The following DYSF variants were observed in gnomAD, a reference collection of about 807,000 sequenced individuals.
DYSF encodes the protein dystrophy-associated fer-1-like 1.
Under a neutral mutation model 274.9 loss-of-function variants are expected in DYSF, and 212 were observed. That is an observed-to-expected ratio of 0.77 (90% CI 0.69 to 0.86). The LOEUF is 0.86. Ranked by LOEUF, DYSF falls within the 40% of genes least tolerant of loss-of-function variation. The probability of loss-of-function intolerance (pLI) is 0.00; values close to 1 mark genes in which losing one functional copy is unlikely to be tolerated. For missense variants in DYSF, 2,666 were observed against 2,783.2 expected (o/e 0.96, Z 0.95); for synonymous variants, 1,091 against 1,078.7 (o/e 1.01, Z -0.22).
At chr2:71,670,607 C>A (rs1293375066) in intron 51 of DYSF, among the ~76,000 whole-genome samples, 2 of 152,212 alleles carry the variant, frequency 1.3e-5, no homozygotes, top group Admixed American at 1.3e-4. Context: ...TTGCATCAGC[C>A]AGAGGGGAGG....
intron 10 of DYSF, among the ~76,000 whole-genome samples, chr2:71,519,499 C>A (rs975147511): frequency 6.6e-6 from 1 of 152,178 alleles, no homozygotes; most frequent in Non-Finnish European, 1.5e-5. Flanking sequence ...CCTGCTGCCC[C>A]CTGCAGCCTT....
chr2:71,514,646 A>T (rs1281923082), intron 7 of DYSF, among the ~76,000 whole-genome samples: 2 of 152,086 alleles, frequency 1.3e-5, no homozygotes, highest in African/African-American at 4.8e-5. Flanking sequence ...AACTCTTTAC[A>T]ACTACTTTTA....
chr2:71,610,279 T>G (rs2093726260), intron 36 of DYSF, among the ~76,000 whole-genome samples: 2 of 152,258 alleles, frequency 1.3e-5, no homozygotes, highest in South Asian at 4.1e-4. Context: ...CATGAAGCTC[T>G]AAAGGTTATA....
chr2:71,660,719 A>G, intron 45 of DYSF, 68 bp downstream of exon 45: 1 of 1,354,424 alleles, frequency 7.4e-7, no homozygotes, highest in Non-Finnish European at 1.1e-6. Context: ...CTAGTGGGGG[A>G]GATGTGACTG....
At chr2:71,550,784 C>T (rs752335315) in intron 17 of DYSF, among the ~76,000 whole-genome samples, 3 of 152,182 alleles carry the variant, frequency 2.0e-5, no homozygotes, top group African/African-American at 4.8e-5. Flanking sequence ...CTCCAAGCCT[C>T]GGTTTCCTCA....
intron 3 of DYSF, among the ~76,000 whole-genome samples, chr2:71,483,038 C>T (rs919005076): frequency 1.3e-5 from 2 of 151,982 alleles, no homozygotes; most frequent in Non-Finnish European, 2.9e-5. Flanking sequence ...TCAGGGTCTC[C>T]GGCTGCAAAA....
intron 30 of DYSF, among the ~76,000 whole-genome samples, chr2:71,580,565 G>A (rs546873330): frequency 6.6e-6 from 1 of 152,368 alleles, no homozygotes; most frequent in East Asian, 1.9e-4. Flanking sequence ...CAGGCCCTGG[G>A]AGGTGCGAGG....
At chr2:71,550,769 T>C (rs529848108) in intron 17 of DYSF, among the ~76,000 whole-genome samples, 1 of 152,340 alleles carries the variant, frequency 6.6e-6, no homozygotes, top group South Asian at 2.1e-4. Context: ...TGTGTTTCTT[T>C]GCATCTCCAA....
At chr2:71,599,636 G>A (rs1228682134) in intron 33 of DYSF, among the ~76,000 whole-genome samples, 2 of 152,210 alleles carry the variant, frequency 1.3e-5, no homozygotes, top group Non-Finnish European at 2.9e-5. Flanking sequence ...AGCATTTTCC[G>A]AAGAGGAGGC....
chr2:71,657,554 C>T (rs2152939318), intron 43 of DYSF, among the ~76,000 whole-genome samples: 1 of 152,324 alleles, frequency 6.6e-6, no homozygotes, highest in Admixed American at 6.5e-5. Context: ...GGGCCCCACC[C>T]CTGCAGCAAA....
At chr2:71,481,772 C>A in intron 2 of DYSF, 107 bp from the exon 3 acceptor site, 1 of 800,564 alleles carries the variant, frequency 1.2e-6, no homozygotes. Flanking sequence ...CCACTAGAAT[C>A]ATTCATGAAT....
At chr2:71,537,323 G>A (rs2089480807) in intron 16 of DYSF, among the ~76,000 whole-genome samples, 1 of 140,970 alleles carries the variant, frequency 7.1e-6, no homozygotes, top group South Asian at 2.3e-4. Context: ...CTTGGCTCAT[G>A]CAACCTCTGC....
At chr2:71,561,243 G>C (rs1375851703) in intron 22 of DYSF, among the ~76,000 whole-genome samples, 1 of 152,204 alleles carries the variant, frequency 6.6e-6, no homozygotes, top group Non-Finnish European at 1.5e-5. Flanking sequence ...CATCTGAGCT[G>C]CTGGCCTCCC....
chr2:71,622,919 G>T (rs1240832814), intron 41 of DYSF, among the ~76,000 whole-genome samples: 2 of 152,118 alleles, frequency 1.3e-5, no homozygotes, highest in African/African-American at 4.8e-5. Flanking sequence ...CTAGCTGATT[G>T]TTAGTTTATT....
chr2:71,534,058 C>G (rs1407433017), intron 14 of DYSF, among the ~76,000 whole-genome samples: 1 of 151,872 alleles, frequency 6.6e-6, no homozygotes, highest in Non-Finnish European at 1.5e-5. Flanking sequence ...GTCTGGGGCT[C>G]TTTTTACAGG....
chr2:71,532,569 G>C (rs768561505), intron 14 of DYSF, among the ~76,000 whole-genome samples: 7 of 152,184 alleles, frequency 4.6e-5, no homozygotes, highest in Non-Finnish European at 1.0e-4. Flanking sequence ...GTGGCAGATG[G>C]ACCAGCTGCT....
chr2:71,679,136 T>A lies in DYSF; in HGVS notation c.5964T>A (p.Asp1988Glu). 6.2e-7 allele frequency: 1 copy of A among 1,614,058 alleles called. No homozygotes were observed. Among genetic ancestry groups the A allele is most frequent in the South Asian group, 1.1e-5 (1 of 91,076 alleles). The change falls in exon 53 of 56, where the codon GAT (aspartate) becomes GAA (glutamate). Residue 1988 changes from aspartate (D) to glutamate (E), a missense_variant. Transcript: ENST00000410020. ...AGTGCTCCTTGGACCAGCTGGATGA[T>A]GCTTTCCACCCAGAATGGTTTGTGT... is the stretch of plus-strand genomic sequence containing the variant. The part of the protein sequence containing the change: ...AKKCSLDQLD[D>E]AFHPEWFVSL...
chr2:71,507,636 G>A (rs2085630014), intron 4 of DYSF, among the ~76,000 whole-genome samples: 1 of 152,168 alleles, frequency 6.6e-6, no homozygotes, highest in Non-Finnish European at 1.5e-5. Context: ...CACGTAGAGG[G>A]AATGAATATG....
intron 53 of DYSF, among the ~76,000 whole-genome samples, chr2:71,680,557 C>T (rs1017463721): frequency 6.6e-6 from 1 of 152,160 alleles, no homozygotes; most frequent in African/African-American, 2.4e-5. Flanking sequence ...TTGGAAACAA[C>T]CTAAATGAAC....
Sources: gnomAD v4.1 joint callset for allele counts (sites outside exome capture counted in the v4.1 genomes callset) on GRCh38, gnomAD v4.1.1 for gene constraint, MANE v1.5 for transcripts, NCBI Gene and HGNC (gene_info 2026-07-23, HGNC 2026-07-21) for gene names.